The following OSBPL5 variants were observed in gnomAD, a reference collection of about 807,000 sequenced individuals.
The protein encoded by OSBPL5 is oxysterol binding protein like 5, also known as oxysterol-binding protein-related protein 5.
OSBPL5 carries 71 observed loss-of-function variants against 111.2 expected under a neutral mutation model. The ratio of observed to expected loss-of-function variants is 0.64; its 90% confidence interval spans 0.53 to 0.78. The LOEUF is 0.78. Ranked by LOEUF, OSBPL5 falls within the 30% of genes least tolerant of loss-of-function variation. The pLI is 0.00. For missense variants in OSBPL5, 1,210 were observed against 1,189.3 expected (o/e 1.02, Z -0.26); for synonymous variants, 549 against 513.9 (o/e 1.07, Z -0.93).
In OSBPL5 at chr11:3,087,438, G is replaced by C. The variant is rs546202637; in HGVS notation, c.*767C>G. ...GTGTAAAATGGGAAGACTGTGCATC[G>C]GTCTGAGTAAAGTGGCGAACTTGAG... is the stretch of plus-strand genomic sequence containing the variant. On this transcript the variant is annotated 3_prime_UTR_variant, in exon 22 of 22. Coordinates refer to ENST00000263650, the MANE Select transcript of OSBPL5 (RefSeq NM_020896.4). The C allele has an allele frequency of 1.3e-5, 2 of 154,508 alleles. No homozygotes were observed. The highest frequency in any genetic ancestry group is 4.8e-5 in the African/African-American group (2 of 41,516). 9.6% of individuals were successfully genotyped at this position (154,508 alleles called of 1,614,324 possible). A position where few individuals can be genotyped will look rare whatever the true frequency, so the allele number is the denominator to read the frequency against.
At chr11:3,139,130 C>T (rs1054164537) in intron 1 of OSBPL5, among the ~76,000 whole-genome samples, 18 of 152,288 alleles carry the variant, frequency 1.2e-4, no homozygotes, top group Admixed American at 6.5e-5. Flanking sequence ...TCCCCCACTG[C>T]CCACCCACAC....
chr11:3,100,647 A>G (rs1857420544), intron 13 of OSBPL5, among the ~76,000 whole-genome samples: 1 of 152,136 alleles, frequency 6.6e-6, no homozygotes, highest in East Asian at 1.9e-4. Flanking sequence ...TGAGGAGAGG[A>G]CAGAGTTGGG....
rs1846097742 is a variant in OSBPL5 at position 3,141,106 on chromosome 11, GA to G, written c.-21-11938del. 7.4e-6 allele frequency among the ~76,000 whole-genome samples: 1 copy of G among 134,358 alleles called. No individual in the cohort carries two copies. Among genetic ancestry groups the G allele is most frequent in the Non-Finnish European group, 1.6e-5 (1 of 63,168 alleles). 88.1% of individuals were successfully genotyped at this position (134,358 alleles called of 152,430 possible). ...CAGGAATAAAAACCACCTAACAACA[GA>G]AACAACGTCAACCCATAAAGCCTCA... is the stretch of plus-strand genomic sequence containing the variant. On this transcript the variant is annotated intron_variant, in intron 1 of 21. Transcript: ENST00000263650. The surrounding 1 kb of genome is among the most constrained non-coding windows in gnomAD (Gnocchi z 6.5).
rs1448548693 is a variant in OSBPL5 at position 3,109,134 on chromosome 11, C to T, written c.692-1189G>A. On this transcript the variant is annotated intron_variant, in intron 7 of 21. Coordinates refer to ENST00000263650, the MANE Select transcript of OSBPL5 (RefSeq NM_020896.4). This position sits in a 1 kb window ranked among gnomAD's most constrained non-coding sequence, Gnocchi z 7.4. Reference sequence around the variant, plus strand: ...ATGGAGTCTCGCTCTGTCACCCAGGCTGGAGTGCAGTAGGGTGATCTCAGC... The same window carrying T: ...ATGGAGTCTCGCTCTGTCACCCAGGTTGGAGTGCAGTAGGGTGATCTCAGC... 6.6e-6 allele frequency among the ~76,000 whole-genome samples: 1 copy of T among 151,564 alleles called. No individual in the cohort carries two copies. Among genetic ancestry groups the T allele is most frequent in the Admixed American group, 6.6e-5 (1 of 15,208 alleles).
chr11:3,132,744 C>A (rs966302903), intron 1 of OSBPL5, among the ~76,000 whole-genome samples: 31 of 152,218 alleles, frequency 2.0e-4, no homozygotes, highest in African/African-American at 6.3e-4. Flanking sequence ...TCAGATTCTC[C>A]ACGTAGCACT....
Position 3,141,404 on chromosome 11 carries a change from C to A in OSBPL5, c.-21-12235G>T, listed in dbSNP as rs1453336644. Among the ~76,000 whole-genome samples the A allele has an allele frequency of 2.6e-5, 4 of 152,136 alleles. No individual in the cohort carries two copies. Among genetic ancestry groups the A allele is most frequent in the African/African-American group, 9.7e-5 (4 of 41,434 alleles). ...CCTGCCCCAGCAGGCAGGTCCAGCC[C>A]CGAGGCCTCCTTGGTTCCCCTCAGA... is the stretch of plus-strand genomic sequence containing the variant. On this transcript the variant is annotated intron_variant, in intron 1 of 21. Transcript: ENST00000263650. The surrounding 1 kb of genome is among the most constrained non-coding windows in gnomAD (Gnocchi z 6.5).
At chr11:3,157,252 C>G (rs1846799430) in intron 1 of OSBPL5, among the ~76,000 whole-genome samples, 1 of 152,302 alleles carries the variant, frequency 6.6e-6, no homozygotes, top group South Asian at 2.1e-4. Context: ...TTGCGGGGCC[C>G]AGATCTAAGG....
At chr11:3,136,985 TGCTTG>T (rs1845966523) in intron 1 of OSBPL5, among the ~76,000 whole-genome samples, 1 of 152,218 alleles carries the variant, frequency 6.6e-6, no homozygotes, top group Non-Finnish European at 1.5e-5. Flanking sequence ...TAAGCCCAAA[TGCTTG>T]GCTCTTCGCA....
At position 3,092,498 on chromosome 11, in the gene OSBPL5, C is replaced by T. The variant is rs150434379; in HGVS notation, c.2193G>A (p.Arg731=). Residue 731 remains arginine (R), a synonymous_variant, in exon 19 of 22, where the codon CGG becomes CGA. Transcript: ENST00000263650. This position sits in a 1 kb window ranked among gnomAD's most constrained non-coding sequence, Gnocchi z 5.4. ...IAQFEQDGIL[R]TLQQEAVARQ... ...GGGCCACGGCCTCCTGCTGCAAGGT[C>T]CGCAGGATCCCGTCTTGCTCAAACT... is the stretch of plus-strand genomic sequence containing the variant. 3.2e-6 allele frequency: 5 copies of T among 1,578,400 alleles called. No homozygotes were observed. The Admixed American group carries it at 9.1e-5, about 29-fold the overall frequency.
intron 3 of OSBPL5, 24 bp from the exon 4 acceptor site, chr11:3,122,452 G>C: frequency 6.2e-7 from 1 of 1,610,158 alleles, no homozygotes; most frequent in Non-Finnish European, 8.5e-7. Context: ...GTGGGTATGC[G>C]GGACAGGGCA....
intron 7 of OSBPL5, among the ~76,000 whole-genome samples, chr11:3,111,142 C>T (rs2084235): frequency 0.16 from 24,803 of 151,630 alleles, 2,202 homozygotes; most frequent in Admixed American, 0.22. Flanking sequence ...CACCTCCCCC[C>T]GTGCCCCACC....
At chr11:3,128,096 T>C (rs1214412888) in intron 2 of OSBPL5, among the ~76,000 whole-genome samples, 1 of 152,220 alleles carries the variant, frequency 6.6e-6, no homozygotes, top group Non-Finnish European at 1.5e-5. Flanking sequence ...CTGCCTGCCA[T>C]AGCACCTTCA....
intron 1 of OSBPL5, among the ~76,000 whole-genome samples, chr11:3,131,771 A>T (rs1845801292): frequency 9.9e-6 from 1 of 100,558 alleles, no homozygotes; most frequent in African/African-American, 4.5e-5. Context: ...CCATCTTCCC[A>T]TCCATCCATC....
chr11:3,088,060 T>A lies in OSBPL5; in HGVS notation c.*145A>T. ...GCACACCTGGGCCCGCAGCGCCTTG[T>A]GGCCCCGGGTCCCTCCTGCGCCTGG... On this transcript the variant is annotated 3_prime_UTR_variant, in exon 22 of 22. Coordinates refer to ENST00000263650, the MANE Select transcript of OSBPL5 (RefSeq NM_020896.4). 1 of 743,368 alleles carries A rather than the reference T, an allele frequency of 1.3e-6. No individual in the cohort carries two copies. The highest frequency in any genetic ancestry group is 2.6e-5 in the South Asian group (1 of 38,540). The allele number at this position is 743,368 out of a possible 1,614,324, so 46.0% of individuals were successfully genotyped here.
intron 1 of OSBPL5, 70 bp from the exon 2 acceptor site, chr11:3,129,239 G>C (rs1426052441): frequency 7.6e-7 from 1 of 1,319,084 alleles, no homozygotes; most frequent in East Asian, 3.1e-5. Context: ...ACATGGTGGG[G>C]GTGCCCCTGG....
At chr11:3,145,277 C>G (rs996488357) in intron 1 of OSBPL5, among the ~76,000 whole-genome samples, 1 of 152,206 alleles carries the variant, frequency 6.6e-6, no homozygotes, top group African/African-American at 2.4e-5. Flanking sequence ...CTCCAGCCTC[C>G]GGATGAAGCC....
chr11:3,132,600 C>G (rs1252422236), intron 1 of OSBPL5, among the ~76,000 whole-genome samples: 1 of 152,172 alleles, frequency 6.6e-6, no homozygotes, highest in Non-Finnish European at 1.5e-5. Context: ...TCTGCTCCAG[C>G]CACACTGGCC....
chr11:3,145,714 A>G (rs1846318934), intron 1 of OSBPL5, among the ~76,000 whole-genome samples: 1 of 152,158 alleles, frequency 6.6e-6, no homozygotes, highest in African/African-American at 2.4e-5. Flanking sequence ...AGGCATTTAC[A>G]GCCCCTGTGC....
intron 6 of OSBPL5, 22 bp from the exon 7 acceptor site, chr11:3,119,653 T>G (rs753037886): frequency 4.3e-5 from 67 of 1,575,004 alleles, no homozygotes; most frequent in Non-Finnish European, 5.2e-5. Context: ...GAGATCTGGG[T>G]GTCACCCGAG....
Sources: allele counts gnomAD v4.1 joint callset (sites outside exome capture counted in the v4.1 genomes callset), GRCh38; gene constraint gnomAD v4.1.1; non-coding constraint Gnocchi (gnomAD v3.1); transcripts MANE v1.5; gene names NCBI Gene and HGNC (gene_info 2026-07-23, HGNC 2026-07-21).